EP400: variants seen among roughly 807,000 people sequenced by gnomAD.
EP400 encodes the protein E1A binding protein p400.
EP400 carries 105 observed loss-of-function variants against 354.1 expected under a neutral mutation model. The ratio of observed to expected loss-of-function variants is 0.30; its 90% CI spans 0.25 to 0.35. EP400 has a LOEUF of 0.35. EP400 is among the 10% of genes least tolerant of loss of function. The probability of loss-of-function intolerance (pLI) is 1.00; values close to 1 mark genes in which losing one functional copy is unlikely to be tolerated. For synonymous variants in EP400, 1,646 were observed against 1,716.9 expected (o/e 0.96, Z 1.02); for missense variants, 3,280 against 4,121.0 (o/e 0.80, Z 5.59).
intron 5 of EP400, among the ~76,000 whole-genome samples, chr12:131,983,524 A>G (rs931426775): frequency 2.0e-5 from 3 of 152,242 alleles, no homozygotes; most frequent in African/African-American, 7.2e-5. Context: ...TCAACAGGGC[A>G]CTGACAGGGA....
chr12:131,988,866 C>T (rs969143320), intron 7 of EP400, among the ~76,000 whole-genome samples: 2 of 152,190 alleles, frequency 1.3e-5, no homozygotes, highest in Admixed American at 1.3e-4. Flanking sequence ...CTGTCCACTC[C>T]GTACCCAGAA....
At chr12:131,979,827 GC>G (rs747611185) in intron 3 of EP400, 34 bp downstream of exon 3, 2 of 1,550,242 alleles carry the variant, frequency 1.3e-6, no homozygotes, top group African/African-American at 1.4e-5. Context: ...CCTCGGGAAT[GC>G]CCCCCTCTCC....
At chr12:132,073,325 C>T (rs1896121113) in intron 51 of EP400, among the ~76,000 whole-genome samples, 1 of 151,432 alleles carries the variant, frequency 6.6e-6, no homozygotes, top group South Asian at 2.1e-4. Context: ...TCTCCATGTG[C>T]ACACTTCTGT....
At chr12:132,008,556 A>G (rs142759257) in intron 15 of EP400, among the ~76,000 whole-genome samples, 47 of 152,110 alleles carry the variant, frequency 3.1e-4, no homozygotes, top group Non-Finnish European at 4.0e-4. Context: ...CACTGTTACA[A>G]TAGTAAAATA....
chr12:131,966,595 C>T (rs1210685078), intron 2 of EP400, among the ~76,000 whole-genome samples: 1 of 144,336 alleles, frequency 6.9e-6, no homozygotes, highest in Non-Finnish European at 1.5e-5. Context: ...AAAGACCACC[C>T]TGTCTCTACT....
intron 2 of EP400, among the ~76,000 whole-genome samples, chr12:131,971,169 A>G (rs1213299826): frequency 2.0e-5 from 3 of 152,020 alleles, no homozygotes; most frequent in African/African-American, 7.3e-5. Context: ...GTGCCACTAC[A>G]CTCCAGGCTG....
In EP400 at chr12:132,069,569, C is replaced by T; in HGVS notation, c.8949C>T (p.Thr2983=). Residue 2983 remains threonine, a synonymous_variant, in exon 51 of 53, where the codon ACC becomes ACT. Transcript: ENST00000389561. The part of the protein sequence containing the change: ...VAYAAQPALK[T]QFLTTPISQA... ...ACGCCGCGCAGCCGGCCCTTAAGAC[C>T]CAGTTTCTTACCACACCCATCTCCC... 2 of 1,614,240 alleles carry T rather than the reference C, an allele frequency of 1.2e-6. No individual in the cohort carries two copies. The highest frequency in any genetic ancestry group is 1.7e-6 in the Non-Finnish European group (2 of 1,180,022).
chr12:132,069,176 G>A (rs1048799328), intron 50 of EP400: 6 of 334,622 alleles, frequency 1.8e-5, no homozygotes, highest in South Asian at 8.0e-5. Context: ...TAGCAGCCCC[G>A]TGCAGGTGTG....
Position 131,990,583 on chromosome 12 carries a change from C to G in EP400, c.2551-53C>G. ...CTTTAGTGTTTTGTATGCAGAACGT[C>G]TGTAATTCCCATCCTTAGTAATGTG... On this transcript the variant is annotated intron_variant, in intron 8 of 52. Coordinates refer to ENST00000389561, the MANE Select transcript of EP400 (RefSeq NM_015409.5). The surrounding 1 kb of genome is among the most constrained non-coding windows in gnomAD (Gnocchi z 4.2). The G allele has an allele frequency of 4.4e-6, 6 of 1,351,670 alleles. No homozygotes were observed. The South Asian group carries it at 6.2e-5, about 14-fold the overall frequency. The allele number at this position is 1,351,670 out of a possible 1,614,324, so 83.7% of individuals were successfully genotyped here. A position where few individuals can be genotyped will look rare whatever the true frequency, so the allele number is the denominator to read the frequency against.
At chr12:131,983,266 C>T (rs1048904027) in intron 5 of EP400, among the ~76,000 whole-genome samples, 1 of 152,204 alleles carries the variant, frequency 6.6e-6, no homozygotes, top group Non-Finnish European at 1.5e-5. Flanking sequence ...ACCAGACGTG[C>T]TCCCTGGACG....
At chr12:131,963,284 G>T (rs1337879181) in intron 2 of EP400, among the ~76,000 whole-genome samples, 2 of 152,162 alleles carry the variant, frequency 1.3e-5, no homozygotes, top group Non-Finnish European at 2.9e-5. Context: ...CATTTTTAAA[G>T]TTTGAAGTTG....
Position 132,038,837 on chromosome 12 carries a change from C to T in EP400, c.6207+741C>T, listed in dbSNP as rs1894800388. ...CTTCAGCTGCCTTTGTTCTCTGAGTCCCCTCCTCCTTCATGTGGCCCTGCC... is the reference window on the plus strand; with the variant it reads ...CTTCAGCTGCCTTTGTTCTCTGAGTTCCCTCCTCCTTCATGTGGCCCTGCC... On this transcript the variant is annotated intron_variant, in intron 32 of 52. Transcript: ENST00000389561. This position sits in a 1 kb window ranked among gnomAD's most constrained non-coding sequence, Gnocchi z 4.2. Among the ~76,000 whole-genome samples, 1 of 152,182 alleles carries T rather than the reference C, an allele frequency of 6.6e-6. No homozygotes were observed. Among genetic ancestry groups the T allele is most frequent in the Admixed American group, 6.5e-5 (1 of 15,274 alleles).
rs7138931 is a variant in EP400 at position 132,012,239 on chromosome 12, T to A, written c.3441+605T>A. ...AGTATTTTCTTTTTTACTATTGTAG[T>A]CTGTTTTTGGTGCTATTGCAAAATA... On this transcript the variant is annotated intron_variant, in intron 16 of 52. Transcript: ENST00000389561. Among the ~76,000 whole-genome samples, 1,042 of 152,306 alleles carry A rather than the reference T, an allele frequency of 6.8e-3. 7 individuals are homozygous for A. The highest frequency in any genetic ancestry group is 0.024 in the African/African-American group (992 of 41,566).
chr12:132,023,450 C>G (rs1349171726), intron 23 of EP400, among the ~76,000 whole-genome samples: 1 of 151,628 alleles, frequency 6.6e-6, no homozygotes, highest in East Asian at 1.9e-4. Flanking sequence ...GCCACTGCAC[C>G]CAGCTGATTT....
At chr12:132,021,344 G>C in intron 23 of EP400, 23 bp downstream of exon 23, 3 of 1,493,708 alleles carry the variant, frequency 2.0e-6, no homozygotes, top group Non-Finnish European at 2.7e-6. Context: ...ACCTTTCCAG[G>C]TTTCTGCCAT....
At position 132,044,830 on chromosome 12, in the gene EP400, G is replaced by T. The variant is rs749892027; in HGVS notation, c.6661G>T (p.Asp2221Tyr). 2.5e-6 allele frequency: 4 copies of T among 1,614,102 alleles called. No individual in the cohort carries two copies. The East Asian group carries it at 6.7e-5, about 27-fold the overall frequency. ...LWTPPTPPQD[D>Y]SDIYLDSVMC... The stretch of plus-strand genomic sequence containing the variant: ...GACCCCACCCACCCCGCCGCAGGAC[G>T]ACAGCGACATCTACCTCGACTCGGT... The change falls in exon 37 of 53, where the codon GAC (aspartate) becomes TAC (tyrosine). Residue 2221 changes from aspartate to tyrosine, a missense_variant. Physicochemically the swap from Asp to Tyr is radical, Grantham distance 160. Around this residue, in one of 20 missense-constraint regions of EP400, gnomAD observed 231 missense variants for 257.9 expected, o/e 0.90. Transcript: ENST00000389561.
chr12:131,992,287 CAG>C, intron 11 of EP400, 57 bp downstream of exon 11: 1 of 1,496,288 alleles, frequency 6.7e-7, no homozygotes, highest in Non-Finnish European at 9.1e-7. Flanking sequence ...TGAGATGACA[CAG>C]AGCTGCAGCG....
rs1447127724 is a variant in EP400, at chr12:131,990,127, G to T, written c.2550+23G>T. The T allele has an allele frequency of 1.0e-5, 16 of 1,586,110 alleles. No homozygotes were observed. Among genetic ancestry groups the T allele is most frequent in the Non-Finnish European group, 1.2e-5 (14 of 1,169,070 alleles). On this transcript the variant is annotated intron_variant, in intron 8 of 52. Transcript: ENST00000389561. The surrounding 1 kb of genome is among the most constrained non-coding windows in gnomAD (Gnocchi z 4.2). ...CAGGCGAGTGCTGCCGTTGTCATGG[G>T]GTCGTAAGAATCAGTCTGTCGGAGC... is the stretch of plus-strand genomic sequence containing the variant.
intron 29 of EP400, among the ~76,000 whole-genome samples, 189 bp from the exon 30 acceptor site, chr12:132,031,764 C>T (rs1169160452): frequency 6.6e-6 from 1 of 152,092 alleles, no homozygotes; most frequent in East Asian, 1.9e-4. Flanking sequence ...GCCATGTTAG[C>T]CAGGATGATC....
Sources: gnomAD v4.1 joint callset for allele counts (sites outside exome capture counted in the v4.1 genomes callset) on GRCh38, gnomAD v4.1.1 for gene constraint, gnomAD v4.1.1 regional missense constraint, Gnocchi (gnomAD v3.1) non-coding constraint, MANE v1.5 for transcripts, NCBI Gene and HGNC (gene_info 2026-07-23, HGNC 2026-07-21) for gene names.